The following PLEKHA6 variants were observed in gnomAD, a reference collection of about 807,000 sequenced individuals.
The protein encoded by PLEKHA6 is pleckstrin homology domain-containing family A member 6.
In PLEKHA6, 60 loss-of-function variants were observed where a neutral mutation model predicts 116.7. That is an observed-to-expected ratio of 0.51 (90% CI 0.42 to 0.64). The LOEUF (loss-of-function observed/expected upper bound fraction) is 0.64, where lower values mean the gene tolerates loss of function less well. Ranked by LOEUF, PLEKHA6 falls within the 30% of genes least tolerant of loss-of-function variation. PLEKHA6 has a pLI of 0.00. For missense variants in PLEKHA6, 1,338 were observed against 1,422.7 expected (o/e 0.94, Z 0.96); for synonymous variants, 489 against 556.1 (o/e 0.88, Z 1.70).
At chr1:204,250,669 G>T in intron 9 of PLEKHA6, 55 bp from the exon 10 acceptor site, 1 of 1,193,748 alleles carries the variant, frequency 8.4e-7, no homozygotes, top group Non-Finnish European at 1.3e-6. Context: ...GGTATGCAGG[G>T]ATAGGAAGCT....
rs140106140 is a variant in PLEKHA6 at position 204,273,640 on chromosome 1, G to T, written c.88C>A (p.Arg30=). The change falls in exon 3 of 23, where the codon CGG becomes AGG. Residue 30 remains arginine (R), a synonymous_variant. Transcript: ENST00000272203. The stretch of plus-strand genomic sequence containing the variant: ...GCTGGACTTACCCGGACGCTGGGCC[G>T]CTCTGGAGGGACCTCGGACACCATG... The part of the protein sequence containing the change: ...HNMVSEVPPE[R]PSVRATRTAR... 2 of 1,613,546 alleles carry T rather than the reference G, an allele frequency of 1.2e-6. No individual in the cohort carries two copies. Among genetic ancestry groups the T allele is most frequent in the Admixed American group, 1.7e-5 (1 of 60,034 alleles).
Position 204,247,353 on chromosome 1 carries a change from G to A in PLEKHA6, c.1920+12C>T, listed in dbSNP as rs769015350. ...CATCCCAATCCCCGCCAGCTCAGGG[G>A]CCCTTCTTCACCTGGGTGTCCAAAT... On this transcript the variant is annotated intron_variant, in intron 13 of 22. Transcript: ENST00000272203. 2.1e-5 allele frequency: 32 copies of A among 1,560,082 alleles called. 1 individual carries two copies. In the South Asian group the frequency reaches 2.9e-4, roughly 14 times the overall value.
intron 1 of PLEKHA6, among the ~76,000 whole-genome samples, chr1:204,335,217 C>A (rs1381009904): frequency 6.6e-6 from 1 of 152,088 alleles, no homozygotes; most frequent in Non-Finnish European, 1.5e-5. Context: ...CCCCTGCCCC[C>A]ACCACTTCCC....
chr1:204,324,876 T>C (rs1471035802), intron 1 of PLEKHA6, among the ~76,000 whole-genome samples: 1 of 152,176 alleles, frequency 6.6e-6, no homozygotes, highest in Non-Finnish European at 1.5e-5. Flanking sequence ...GATGCCTGAG[T>C]TACTTAGAAG....
chr1:204,312,641 A>G (rs1421372032), intron 1 of PLEKHA6, among the ~76,000 whole-genome samples: 1 of 152,218 alleles, frequency 6.6e-6, no homozygotes, highest in Non-Finnish European at 1.5e-5. Context: ...TGGCTCACCC[A>G]GGAGAGGACC....
intron 1 of PLEKHA6, among the ~76,000 whole-genome samples, chr1:204,296,806 C>T (rs942038139): frequency 6.6e-6 from 1 of 152,256 alleles, no homozygotes; most frequent in African/African-American, 2.4e-5. Flanking sequence ...CCACACACTA[C>T]TCAGAGCAGA....
intron 9 of PLEKHA6, among the ~76,000 whole-genome samples, chr1:204,254,811 T>C (rs1304887025): frequency 1.1e-4 from 17 of 152,190 alleles, no homozygotes; most frequent in Admixed American, 1.1e-3. Flanking sequence ...CACAGGACAG[T>C]GTTGTGTACT....
rs143934755 is a variant in PLEKHA6 at position 204,355,262 on chromosome 1, C to T, written c.-95+4432G>A. Among the ~76,000 whole-genome samples, 1,059 of 152,332 alleles carry T rather than the reference C, an allele frequency of 7.0e-3. 58 individuals are homozygous for T. The highest frequency in any genetic ancestry group is 0.065 in the Admixed American group (1,000 of 15,298). On this transcript the variant is annotated intron_variant, in intron 1 of 22. Transcript: ENST00000272203. ...ATTCTGCTCAGCAGGATTCTATGTG[C>T]TTGCATATGTAACCTCATTTATCTT... is the stretch of plus-strand genomic sequence containing the variant.
chr1:204,286,011 G>A (rs1322688695), intron 1 of PLEKHA6, among the ~76,000 whole-genome samples: 3 of 152,222 alleles, frequency 2.0e-5, no homozygotes, highest in African/African-American at 7.2e-5. Context: ...ACAGGGTAGA[G>A]GAAGTACCAC....
chr1:204,252,447 A>G lies in PLEKHA6; in HGVS notation c.1525-1833T>C, dbSNP rs561996547. On this transcript the variant is annotated intron_variant, in intron 9 of 22. Coordinates refer to ENST00000272203, the MANE Select transcript of PLEKHA6 (RefSeq NM_014935.5). ...CACTGGTTCCAATGGGAAAGGACCA[A>G]AAAGTGAAGATATCAGGGAATGTCT... Among the ~76,000 whole-genome samples the G allele has an allele frequency of 2.0e-5, 3 of 152,182 alleles. No individual in the cohort carries two copies. In the South Asian group the frequency reaches 6.2e-4, roughly 32 times the overall value.
chr1:204,361,615 G>A (rs950834587), upstream of PLEKHA6, among the ~76,000 whole-genome samples: 12 of 152,176 alleles, frequency 7.9e-5, no homozygotes, highest in Non-Finnish European at 1.8e-4. Context: ...TGAGATGTCA[G>A]GCCAGCCCTG....
intron 1 of PLEKHA6, among the ~76,000 whole-genome samples, chr1:204,340,042 T>C (rs755667207): frequency 6.6e-6 from 1 of 152,236 alleles, no homozygotes; most frequent in Admixed American, 6.5e-5. Context: ...TAATTAAGCA[T>C]TACTTTTTTA....
At chr1:204,247,262 TAG>T (rs1409945419) in intron 13 of PLEKHA6, 101 bp downstream of exon 13, 2 of 681,694 alleles carry the variant, frequency 2.9e-6, no homozygotes, top group South Asian at 3.3e-5. Context: ...TCCTGAAACT[TAG>T]AGTCTGTTAT....
intron 9 of PLEKHA6, among the ~76,000 whole-genome samples, chr1:204,251,016 C>T (rs1241370307): frequency 6.6e-6 from 1 of 152,202 alleles, no homozygotes; most frequent in African/African-American, 2.4e-5. Context: ...TCGGAATGAG[C>T]ATTGGGAACA....
chr1:204,250,327 G>T (rs1457421133), intron 10 of PLEKHA6, among the ~76,000 whole-genome samples: 3 of 151,536 alleles, frequency 2.0e-5, no homozygotes, highest in African/African-American at 7.2e-5. Context: ...GTGAGTGGGT[G>T]GTAGATCAGA....
upstream of PLEKHA6, among the ~76,000 whole-genome samples, chr1:204,364,740 T>G (rs1408391289): frequency 6.6e-6 from 1 of 152,126 alleles, no homozygotes; most frequent in Non-Finnish European, 1.5e-5. Context: ...AGGCTACTGG[T>G]TCTCGAAGTG....
At position 204,261,388 on chromosome 1, in the gene PLEKHA6, C is replaced by T; in HGVS notation, c.442G>A (p.Ala148Thr). ...FSAESPEEQE[A>T]WIQAMGEAAR... ...GCCTCCCCCATGGCCTGGATCCAGG[C>T]CTCTTGCTCCTCGGGGCTCTCGGCA... Residue 148 changes from alanine to threonine, a missense_variant, in exon 7 of 23, where the codon GCC becomes ACC. Transcript: ENST00000272203. The surrounding 1 kb of genome is among the most constrained non-coding windows in gnomAD (Gnocchi z 4.0). 1.2e-6 allele frequency: 2 copies of T among 1,614,116 alleles called. No homozygotes were observed. Among genetic ancestry groups the T allele is most frequent in the South Asian group, 2.2e-5 (2 of 91,066 alleles).
chr1:204,281,120 G>A (rs4951349), intron 1 of PLEKHA6: 134,669 of 283,886 alleles, frequency 0.47, 32,046 homozygotes, highest in Middle Eastern at 0.56. Context: ...CCAGGAGGTC[G>A]AGACTGCAGT....
chr1:204,294,538 A>T (rs1399519208), intron 1 of PLEKHA6, among the ~76,000 whole-genome samples: 1 of 152,150 alleles, frequency 6.6e-6, no homozygotes. Context: ...CTTTCTTCCC[A>T]CTTTATGTTA....
Sources: allele counts gnomAD v4.1 joint callset (sites outside exome capture counted in the v4.1 genomes callset), GRCh38; gene constraint gnomAD v4.1.1; non-coding constraint Gnocchi (gnomAD v3.1); transcripts MANE v1.5; gene names NCBI Gene and HGNC (gene_info 2026-07-23, HGNC 2026-07-21).